ADCY2: variants seen among roughly 807,000 people sequenced by gnomAD.
ADCY2 encodes the protein adenylate cyclase 2.
Under a neutral mutation model 125.2 loss-of-function variants are expected in ADCY2, and 31 were observed. The observed-to-expected ratio is 0.25, with a 90% confidence interval of 0.19 to 0.33. ADCY2 has a LOEUF of 0.33. Among genes scored for constraint, ADCY2 ranks in the 10% least tolerant of loss-of-function variants. The pLI is 1.00. For missense variants in ADCY2, 904 were observed against 1,418.2 expected (o/e 0.64, Z 5.82); for synonymous variants, 512 against 548.4 (o/e 0.93, Z 0.93).
intron 2 of ADCY2, among the ~76,000 whole-genome samples, chr5:7,503,696 G>A (rs1363885198): frequency 6.6e-6 from 1 of 152,192 alleles, no homozygotes; most frequent in East Asian, 1.9e-4. Flanking sequence ...AACATAGAGA[G>A]GAAGAAAGCA....
At chr5:7,773,441 C>T (rs921357531) in intron 18 of ADCY2, among the ~76,000 whole-genome samples, 2 of 152,054 alleles carry the variant, frequency 1.3e-5, no homozygotes, top group African/African-American at 2.4e-5. Flanking sequence ...CCGTCCTGTG[C>T]GTGGTAGGTA....
intron 21 of ADCY2, among the ~76,000 whole-genome samples, chr5:7,803,188 T>C (rs910415429): frequency 3.9e-5 from 6 of 152,200 alleles, no homozygotes; most frequent in African/African-American, 1.4e-4. Context: ...ATTACCACTG[T>C]GATCCTGGGT....
intron 15 of ADCY2, among the ~76,000 whole-genome samples, chr5:7,754,703 G>A (rs1742932162): frequency 1.6e-5 from 2 of 124,684 alleles, no homozygotes; most frequent in Non-Finnish European, 3.3e-5. Flanking sequence ...CGGTTTAAAG[G>A]TAATGGCAAA....
intron 3 of ADCY2, among the ~76,000 whole-genome samples, chr5:7,571,842 A>G (rs1363954924): frequency 6.6e-6 from 1 of 151,966 alleles, no homozygotes; most frequent in Non-Finnish European, 1.5e-5. Flanking sequence ...CTGTATATCC[A>G]TGTGTTCTCA....
At chr5:7,440,520 A>G (rs765097627) in intron 2 of ADCY2, among the ~76,000 whole-genome samples, 1 of 152,170 alleles carries the variant, frequency 6.6e-6, no homozygotes, top group Non-Finnish European at 1.5e-5. Context: ...GAACATTTTG[A>G]GTCTAGGCCT....
At chr5:7,430,334 A>G (rs918638370) in intron 2 of ADCY2, among the ~76,000 whole-genome samples, 1 of 151,920 alleles carries the variant, frequency 6.6e-6, no homozygotes, top group Admixed American at 6.6e-5. Flanking sequence ...AACAGGAAGC[A>G]TTTCCCAACT....
intron 3 of ADCY2, among the ~76,000 whole-genome samples, chr5:7,589,146 A>T (rs775992982): frequency 5.3e-5 from 8 of 152,264 alleles, no homozygotes; most frequent in African/African-American, 1.9e-4. Flanking sequence ...TTGCACAATA[A>T]CCTTGACCAT....
At chr5:7,698,499 T>C in intron 7 of ADCY2, 125 bp downstream of exon 7, 2 of 966,938 alleles carry the variant, frequency 2.1e-6, no homozygotes, top group Non-Finnish European at 3.2e-6. Flanking sequence ...CATCAACTCA[T>C]CATTTACATT....
Position 7,820,561 on chromosome 5 carries a change from A to C in ADCY2, c.2999-4A>C. ...CTTGCTAACTCAACTCTGATGTGGC[A>C]CAGGTATTAACCATGGACCTGTGAT... On this transcript the variant is annotated splice_polypyrimidine_tract_variant and splice_region_variant and intron_variant, in intron 23 of 24. Transcript: ENST00000338316. The C allele has an allele frequency of 6.2e-7, 1 of 1,613,800 alleles. No individual in the cohort carries two copies. Among genetic ancestry groups the C allele is most frequent in the Non-Finnish European group, 8.5e-7 (1 of 1,179,798 alleles).
rs1417481959 is a variant in ADCY2, at chr5:7,789,587, CT to C, written c.2470-54del. ...TTGTTTTCTCTTTAAAACCTCCACT[CT>C]CTGGCAGGACAAGATGCCTATTGTT... On this transcript the variant is annotated intron_variant, in intron 19 of 24. Coordinates refer to ENST00000338316, the MANE Select transcript of ADCY2 (RefSeq NM_020546.3). The C allele has an allele frequency of 5.8e-6, 9 of 1,541,012 alleles. No individual in the cohort carries two copies. The Admixed American group carries it at 1.4e-4, about 23-fold the overall frequency.
At chr5:7,413,937 G>C (rs1253410270) in intron 1 of ADCY2, among the ~76,000 whole-genome samples, 1 of 152,176 alleles carries the variant, frequency 6.6e-6, no homozygotes, top group Non-Finnish European at 1.5e-5. Context: ...CTTTTTGCTT[G>C]TTTCTTTTTG....
At chr5:7,611,411 T>C (rs2126644120) in intron 3 of ADCY2, among the ~76,000 whole-genome samples, 1 of 152,294 alleles carries the variant, frequency 6.6e-6, no homozygotes, top group African/African-American at 2.4e-5. Context: ...AAAAAATTGG[T>C]ACCTCTGGAC....
At chr5:7,688,058 GATA>G (rs1740577602) in intron 4 of ADCY2, among the ~76,000 whole-genome samples, 4 of 151,206 alleles carry the variant, frequency 2.6e-5, no homozygotes, top group African/African-American at 7.3e-5. Flanking sequence ...TTTCCAAATA[GATA>G]GCCTAGATCC....
intron 7 of ADCY2, among the ~76,000 whole-genome samples, chr5:7,701,909 T>C (rs1741089538): frequency 1.3e-5 from 2 of 152,152 alleles, no homozygotes; most frequent in South Asian, 4.1e-4. Context: ...ATCAGTAATA[T>C]CTTATGTGTG....
At chr5:7,771,393 T>C (rs1318712000) in intron 17 of ADCY2, among the ~76,000 whole-genome samples, 1 of 152,324 alleles carries the variant, frequency 6.6e-6, no homozygotes, top group East Asian at 1.9e-4. Context: ...ACACTCTGTA[T>C]TCCTTAAAAT....
chr5:7,567,925 CTCTT>C (rs1180418179), intron 3 of ADCY2, among the ~76,000 whole-genome samples: 3 of 72,092 alleles, frequency 4.2e-5, no homozygotes, highest in South Asian at 7.3e-4. Context: ...CTGTCGTCCT[CTCTT>C]TCTCTCTCTC....
In ADCY2 at chr5:7,414,696, G is replaced by A. The variant is rs774404794; in HGVS notation, c.334G>A (p.Val112Met). 2 of 1,613,954 alleles carry A rather than the reference G, an allele frequency of 1.2e-6. No individual in the cohort carries two copies. The highest frequency in any genetic ancestry group is 1.7e-6 in the Non-Finnish European group (2 of 1,179,972). Residue 112 changes from valine to methionine, a missense_variant, in exon 2 of 25, where the codon GTG (valine) becomes ATG (methionine). Physicochemically the swap from Val to Met is conservative, Grantham distance 21. This residue lies in a region of ADCY2 where 121 missense variants were observed against 161.5 expected (regional missense o/e 0.75). Transcript: ENST00000338316. ...FKKLLRLFSL[V>M]IWICLVAMGY... ...GAAGCTGCTGCGCCTCTTCTCGTTG[G>A]TGATATGGATATGCCTTGTTGCCAT...
intron 4 of ADCY2, among the ~76,000 whole-genome samples, chr5:7,673,269 A>AATATATATATATATATATATAT (rs1180249627): frequency 0.012 from 47 of 3,924 alleles, no homozygotes; most frequent in Admixed American, 0.025. Flanking sequence ...AAAAAAAAAA[A>AATATATATATATATATATATAT]ATATATATAT....
intron 2 of ADCY2, among the ~76,000 whole-genome samples, chr5:7,448,161 G>A (rs1248562450): frequency 1.3e-5 from 2 of 152,294 alleles, no homozygotes; most frequent in East Asian, 3.9e-4. Context: ...GGTAGGGATG[G>A]GGTCTTTCTG....
Sources: allele counts gnomAD v4.1 joint callset (sites outside exome capture counted in the v4.1 genomes callset), GRCh38; gene constraint gnomAD v4.1.1; regional missense constraint gnomAD v4.1.1; transcripts MANE v1.5; gene names NCBI Gene and HGNC (gene_info 2026-07-23, HGNC 2026-07-21).